Variants in TNKS observed in about 807,000 individuals in gnomAD.
TNKS encodes the protein poly [ADP-ribose] polymerase tankyrase-1.
Under a neutral mutation model 135.8 loss-of-function variants are expected in TNKS, and 72 were observed. The observed-to-expected ratio is 0.53, with a 90% confidence interval of 0.44 to 0.64. The LOEUF (loss-of-function observed/expected upper bound fraction) is 0.64. Ranked by LOEUF, TNKS falls within the 30% of genes least tolerant of loss-of-function variation. The probability of loss-of-function intolerance (pLI) is 0.00; values close to 1 mark genes in which losing one functional copy is unlikely to be tolerated. For synonymous variants in TNKS, 849 were observed against 649.3 expected (o/e 1.31, Z -4.68); for missense variants, 1,769 against 1,674.0 (o/e 1.06, Z -0.99).
intron 3 of TNKS, among the ~76,000 whole-genome samples, chr8:9,675,959 T>C (rs936106350): frequency 2.6e-5 from 4 of 151,982 alleles, no homozygotes; most frequent in Non-Finnish European, 4.4e-5. Flanking sequence ...AAAGTGTTAC[T>C]GATAGGTTTG....
chr8:9,692,659 C>G (rs930416105), intron 5 of TNKS, among the ~76,000 whole-genome samples: 2 of 152,254 alleles, frequency 1.3e-5, no homozygotes, highest in Admixed American at 1.3e-4. Flanking sequence ...ATGTCATCTG[C>G]AGAAGAGACA....
At chr8:9,628,509 C>T (rs1168299876) in intron 3 of TNKS, among the ~76,000 whole-genome samples, 2 of 151,754 alleles carry the variant, frequency 1.3e-5, no homozygotes, top group African/African-American at 4.9e-5. Context: ...GGTACAAATT[C>T]CTCCTGCTTT....
At chr8:9,557,926 A>G (rs1209749977) in intron 1 of TNKS, 1 of 152,194 alleles carries the variant, frequency 6.6e-6, no homozygotes, top group Non-Finnish European at 1.5e-5. Context: ...AGCTTGTGAA[A>G]TCAAACTTAA....
At chr8:9,606,025 G>A (rs1799203961) in intron 2 of TNKS, among the ~76,000 whole-genome samples, 1 of 151,686 alleles carries the variant, frequency 6.6e-6, no homozygotes, top group Non-Finnish European at 1.5e-5. Context: ...CCGAGGTCAT[G>A]AAGATTTTTC....
chr8:9,557,229 C>T (rs1433926177), intron 1 of TNKS: 1 of 152,324 alleles, frequency 6.6e-6, no homozygotes, highest in African/African-American at 2.4e-5. Flanking sequence ...GATGTTGTGG[C>T]CACTATTATT....
chr8:9,608,761 C>G (rs924905695), intron 2 of TNKS, among the ~76,000 whole-genome samples: 1 of 152,164 alleles, frequency 6.6e-6, no homozygotes, highest in Non-Finnish European at 1.5e-5. Context: ...CCACCATGTT[C>G]TGCTTTGACT....
intron 3 of TNKS, among the ~76,000 whole-genome samples, chr8:9,655,493 AG>A (rs545243620): frequency 4.1e-4 from 62 of 152,274 alleles, no homozygotes; most frequent in African/African-American, 1.4e-3. Flanking sequence ...GGCACCCCCC[AG>A]TAGGGGCGCA....
chr8:9,752,450 C>G (rs931007638), intron 19 of TNKS, 94 bp from the exon 20 acceptor site: 1 of 831,894 alleles, frequency 1.2e-6, no homozygotes, highest in African/African-American at 1.7e-5. Context: ...CATCTGACAG[C>G]CAAGGTTGTC....
At chr8:9,706,299 T>C in intron 7 of TNKS, 46 bp downstream of exon 7, 1 of 1,328,424 alleles carries the variant, frequency 7.5e-7, no homozygotes, top group Non-Finnish European at 1.0e-6. Flanking sequence ...TTTTTTTTTT[T>C]TCTTTACCTT....
chr8:9,778,853 T>C lies in TNKS; in HGVS notation c.*2117T>C, dbSNP rs981165265. On this transcript the variant is annotated 3_prime_UTR_variant, in exon 27 of 27. Transcript: ENST00000310430. ...TAAAAGAGTTAATATGATATAGATATGGAAAGCTTTATGGCTTCATTAAAA... is the reference window on the plus strand; with the variant it reads ...TAAAAGAGTTAATATGATATAGATACGGAAAGCTTTATGGCTTCATTAAAA... The C allele has an allele frequency of 8.5e-5, 13 of 152,332 alleles. No individual in the cohort carries two copies. The highest frequency in any genetic ancestry group is 8.5e-4 in the Admixed American group (13 of 15,302). The allele number at this position is 152,332 out of a possible 1,614,324, so 9.4% of individuals were successfully genotyped here. A position where few individuals can be genotyped will look rare whatever the true frequency, so the allele number is the denominator to read the frequency against.
At chr8:9,630,208 C>T (rs1028040504) in intron 3 of TNKS, among the ~76,000 whole-genome samples, 3 of 151,682 alleles carry the variant, frequency 2.0e-5, no homozygotes, top group Admixed American at 1.3e-4. Flanking sequence ...CGATTTTTTT[C>T]TCCTTTGTTC....
Position 9,735,545 on chromosome 8 carries a change from A to T in TNKS, c.2643+59A>T, listed in dbSNP as rs1394642662. 2.8e-5 allele frequency: 38 copies of T among 1,366,192 alleles called. 1 individual carries two copies. In the South Asian group the frequency reaches 3.8e-4, roughly 14 times the overall value. 84.6% of individuals were successfully genotyped at this position (1,366,192 alleles called of 1,614,324 possible). A position where few individuals can be genotyped will look rare whatever the true frequency, so the allele number is the denominator to read the frequency against. ...ACCGCACGCGGTGGCTCACGCCTGT[A>T]ATCCCAGCACTTTAGGAGGCCGAGG... On this transcript the variant is annotated intron_variant, in intron 17 of 26. Transcript: ENST00000310430.
At chr8:9,627,672 C>T (rs1563127336) in intron 3 of TNKS, among the ~76,000 whole-genome samples, 1 of 152,040 alleles carries the variant, frequency 6.6e-6, no homozygotes, top group Admixed American at 6.6e-5. Flanking sequence ...AGAGGCAAAA[C>T]TGTTTGTTTG....
In TNKS at chr8:9,683,620, T is replaced by G. The variant is rs181798145; in HGVS notation, c.1107+2820T>G. 1.2e-3 allele frequency among the ~76,000 whole-genome samples: 179 copies of G among 152,040 alleles called. 1 individual carries two copies. Among genetic ancestry groups the G allele is most frequent in the African/African-American group, 4.1e-3 (170 of 41,536 alleles). On this transcript the variant is annotated intron_variant, in intron 5 of 26. Transcript: ENST00000310430. ...AATGTTTTTGGAAAAGAAATGTCTC[T>G]TATACAGTGGTTAGTAGGTGGGGAA...
intron 1 of TNKS, among the ~76,000 whole-genome samples, chr8:9,564,899 T>C (rs966447810): frequency 2.6e-5 from 4 of 152,192 alleles, no homozygotes; most frequent in African/African-American, 9.6e-5. Context: ...AAATGGACTT[T>C]CAGTTTCTTG....
intron 2 of TNKS, among the ~76,000 whole-genome samples, chr8:9,612,674 G>A (rs1435348757): frequency 6.6e-6 from 1 of 152,040 alleles, no homozygotes; most frequent in African/African-American, 2.4e-5. Flanking sequence ...AATATTATCT[G>A]TGGCTGCTTT....
At chr8:9,741,750 G>A (rs1051687333) in intron 17 of TNKS, 3 of 527,778 alleles carry the variant, frequency 5.7e-6, no homozygotes, top group South Asian at 1.4e-5. Context: ...TGGCTCAAGC[G>A]TAATGTAGAG....
At chr8:9,602,603 C>T (rs1471249821) in intron 2 of TNKS, among the ~76,000 whole-genome samples, 3 of 152,200 alleles carry the variant, frequency 2.0e-5, no homozygotes, top group South Asian at 2.1e-4. Context: ...GTAGCCTACA[C>T]CTACACGCCC....
At chr8:9,670,875 T>C (rs138119697) in intron 3 of TNKS, 30 of 152,366 alleles carry the variant, frequency 2.0e-4, no homozygotes, top group African/African-American at 7.0e-4. Context: ...TTGTCCATAA[T>C]AAATGTTTAC....
Sources: allele counts gnomAD v4.1 joint callset (sites outside exome capture counted in the v4.1 genomes callset), GRCh38; gene constraint gnomAD v4.1.1; transcripts MANE v1.5; gene names NCBI Gene and HGNC (gene_info 2026-07-23, HGNC 2026-07-21).